The following ADARB1 variants were observed in gnomAD, a reference collection of about 807,000 sequenced individuals.
ADARB1 encodes adenosine deaminase RNA specific B1.
ADARB1 carries 10 observed loss-of-function variants against 52.4 expected under a neutral mutation model. That is an observed-to-expected ratio of 0.19 (90% CI 0.12 to 0.32). ADARB1 has a LOEUF of 0.32. Ranked by LOEUF, ADARB1 falls within the 10% of genes least tolerant of loss-of-function variation. ADARB1 has a pLI of 1.00. For missense variants in ADARB1, 643 were observed against 922.3 expected (o/e 0.70, Z 3.92); for synonymous variants, 349 against 371.1 (o/e 0.94, Z 0.68).
At chr21:45,139,932 T>C (rs1357175398) in intron 2 of ADARB1, among the ~76,000 whole-genome samples, 1 of 96,924 alleles carries the variant, frequency 1.0e-5, no homozygotes, top group Non-Finnish European at 2.0e-5. Context: ...ACAATAAAAC[T>C]CTTTTTTTTT....
At chr21:45,133,194 A>T (rs1601502972) in intron 2 of ADARB1, among the ~76,000 whole-genome samples, 1 of 152,228 alleles carries the variant, frequency 6.6e-6, no homozygotes, top group African/African-American at 2.4e-5. Flanking sequence ...AGGTGCCTGT[A>T]TTGAGCAGGG....
At chr21:45,186,142 C>T (rs142561433) in intron 8 of ADARB1, among the ~76,000 whole-genome samples, 7 of 152,292 alleles carry the variant, frequency 4.6e-5, no homozygotes, top group African/African-American at 1.7e-4. Flanking sequence ...GAAAAATACA[C>T]AATAGAATTA....
intron 2 of ADARB1, among the ~76,000 whole-genome samples, chr21:45,151,730 G>T (rs1388140032): frequency 6.6e-6 from 1 of 152,206 alleles, no homozygotes. Context: ...TGGATCCCGA[G>T]TGGCAGAGGC....
chr21:45,124,923 G>A (rs371900531), intron 1 of ADARB1, among the ~76,000 whole-genome samples: 5 of 151,758 alleles, frequency 3.3e-5, no homozygotes, highest in Admixed American at 6.6e-5. Flanking sequence ...CTCAGCCTCC[G>A]AAGTAGCTGG....
chr21:45,223,265 AAAAT>A lies in ADARB1; in HGVS notation c.*1072_*1075del, dbSNP rs1010751110. The A allele has an allele frequency of 4.4e-5, 43 of 985,368 alleles. No homozygotes were observed. The highest frequency in any genetic ancestry group is 4.3e-5 in the Non-Finnish European group (36 of 829,946). 61.0% of individuals were successfully genotyped at this position (985,368 alleles called of 1,614,324 possible). On this transcript the variant is annotated 3_prime_UTR_variant, in exon 11 of 11. Transcript: ENST00000348831. ...CCAGCTTTATCAAAGACATGTTTGA[AAAAT>A]AAAAAGCATCCAAGTGAGAGCTGGT...
At chr21:45,159,238 C>T (rs866820328) in intron 2 of ADARB1, among the ~76,000 whole-genome samples, 1 of 152,024 alleles carries the variant, frequency 6.6e-6, no homozygotes. Context: ...TGGCAGCCAG[C>T]AAAGAGAGAA....
chr21:45,163,365 C>T (rs887067907), intron 2 of ADARB1, among the ~76,000 whole-genome samples: 5 of 152,230 alleles, frequency 3.3e-5, no homozygotes, highest in Non-Finnish European at 5.9e-5. Flanking sequence ...GAAGCATCCA[C>T]GTTCTTCCTC....
At chr21:45,197,158 T>C (rs1344266775) in intron 8 of ADARB1, among the ~76,000 whole-genome samples, 1 of 150,536 alleles carries the variant, frequency 6.6e-6, no homozygotes, top group African/African-American at 2.5e-5. Context: ...AGCTTGGGCA[T>C]CAGAATAAGA....
intron 2 of ADARB1, among the ~76,000 whole-genome samples, chr21:45,156,310 T>TCCAC (rs2090618668): frequency 8.2e-6 from 1 of 121,896 alleles, no homozygotes; most frequent in Non-Finnish European, 1.7e-5. Context: ...CATCCATCCA[T>TCCAC]CCACCCACCC....
At chr21:45,146,473 G>A (rs908130353) in intron 2 of ADARB1, among the ~76,000 whole-genome samples, 9 of 152,238 alleles carry the variant, frequency 5.9e-5, no homozygotes, top group African/African-American at 9.6e-5. Context: ...CCGGGGCTGC[G>A]TCCTGCTAGA....
chr21:45,191,880 A>ATTTTTTTTTTTTTTTT (rs777269104), intron 8 of ADARB1, among the ~76,000 whole-genome samples: 1 of 15,746 alleles, frequency 6.4e-5, no homozygotes, highest in Non-Finnish European at 1.5e-4. Context: ...ATATATATAT[A>ATTTTTTTTTTTTTTTT]TTTTTTTTTT....
intron 1 of ADARB1, among the ~76,000 whole-genome samples, chr21:45,082,264 T>TA (rs2086183127): frequency 6.6e-6 from 1 of 152,230 alleles, no homozygotes; most frequent in African/African-American, 2.4e-5. Context: ...CCTCTCAACT[T>TA]ACGATGAGGT....
intron 8 of ADARB1, among the ~76,000 whole-genome samples, chr21:45,196,820 C>T (rs2146300025): frequency 6.6e-6 from 1 of 152,296 alleles, no homozygotes; most frequent in South Asian, 2.1e-4. Context: ...CTGGCCAAAC[C>T]AAATGTTGAC....
intron 8 of ADARB1, among the ~76,000 whole-genome samples, chr21:45,186,933 T>C (rs938849842): frequency 6.6e-6 from 1 of 152,208 alleles, no homozygotes; most frequent in Non-Finnish European, 1.5e-5. Context: ...TACTGTAGCT[T>C]TGTAATATGT....
Position 45,200,202 on chromosome 21 carries a change from G to A in ADARB1, c.1566-4353G>A, listed in dbSNP as rs59605301. Among the ~76,000 whole-genome samples the A allele has an allele frequency of 2.6e-3, 402 of 152,262 alleles. 5 individuals are homozygous for A. The highest frequency in any genetic ancestry group is 9.1e-3 in the African/African-American group (378 of 41,540). ...CACAGGACACAGTGACAGGCAGAGG[G>A]CCCAGGGCCATGGTAGGTTGGGGGT... On this transcript the variant is annotated intron_variant, in intron 8 of 10. Transcript: ENST00000348831. This position sits in a 1 kb window ranked among gnomAD's most constrained non-coding sequence, Gnocchi z 5.0.
chr21:45,108,304 TAATC>T (rs762451352), intron 1 of ADARB1, among the ~76,000 whole-genome samples: 2 of 152,168 alleles, frequency 1.3e-5, no homozygotes, highest in Non-Finnish European at 2.9e-5. Context: ...GATGTGCAAA[TAATC>T]AAAAGTCTCA....
chr21:45,169,780 C>T (rs1286266062), intron 2 of ADARB1, among the ~76,000 whole-genome samples: 1 of 152,202 alleles, frequency 6.6e-6, no homozygotes, highest in Admixed American at 6.5e-5. Context: ...AGCGCCTTGC[C>T]ATCACTTTGC....
chr21:45,223,527 G>GCT lies in ADARB1; in HGVS notation c.*1333_*1334dup, dbSNP rs942927761. The GCT allele has an allele frequency of 4.1e-6, 4 of 985,574 alleles. No homozygotes were observed. The African/African-American group carries it at 7.0e-5, about 17-fold the overall frequency. 61.1% of individuals were successfully genotyped at this position (985,574 alleles called of 1,614,324 possible). A position where few individuals can be genotyped will look rare whatever the true frequency, so the allele number is the denominator to read the frequency against. On this transcript the variant is annotated 3_prime_UTR_variant, in exon 11 of 11. Coordinates refer to ENST00000348831, the MANE Select transcript of ADARB1 (RefSeq NM_001112.4). ...GGATGAAAGAGGAGCTGAGAGAAGT[G>GCT]CTCTGCCTGCCAGTGCAGTGCCCAG...
chr21:45,182,776 G>A (rs779758807), intron 6 of ADARB1, 23 bp downstream of exon 6: 1 of 1,541,836 alleles, frequency 6.5e-7, no homozygotes, highest in Non-Finnish European at 8.7e-7. Context: ...AACAAATAAG[G>A]ACAGGAAGCT....
Sources: allele counts gnomAD v4.1 joint callset (sites outside exome capture counted in the v4.1 genomes callset), GRCh38; gene constraint gnomAD v4.1.1; non-coding constraint Gnocchi (gnomAD v3.1); transcripts MANE v1.5; gene names NCBI Gene and HGNC (gene_info 2026-07-23, HGNC 2026-07-21).